Variants in LHX5 observed in about 807,000 individuals in gnomAD.
LHX5 encodes LIM/homeobox protein Lhx5.
LHX5 carries 5 observed loss-of-function variants against 30.6 expected under a neutral mutation model. The observed-to-expected ratio is 0.16, with a 90% CI of 0.09 to 0.34. The LOEUF (loss-of-function observed/expected upper bound fraction) is 0.34, where lower values mean the gene tolerates loss of function less well. LHX5 is among the 10% of genes least tolerant of loss of function. The probability of loss-of-function intolerance (pLI) is 1.00; values close to 1 mark genes in which losing one functional copy is unlikely to be tolerated. For synonymous variants in LHX5, 266 were observed against 252.6 expected (o/e 1.05, Z -0.50); for missense variants, 458 against 570.6 (o/e 0.80, Z 2.01).
Position 113,465,541 on chromosome 12 carries a change from G to C in LHX5, c.841+1715C>G, listed in dbSNP as rs889302724. 9.2e-5 allele frequency among the ~76,000 whole-genome samples: 14 copies of C among 152,248 alleles called. No homozygotes were observed. The highest frequency in any genetic ancestry group is 3.4e-4 in the African/African-American group (14 of 41,470). ...GGATCTCCCAGCGCGGATTAGGCGG[G>C]GCTGCCTCGCTGGGGGCTGGGGAGT... On this transcript the variant is annotated intron_variant, in intron 4 of 4. Transcript: ENST00000261731. The surrounding 1 kb of genome is among the most constrained non-coding windows in gnomAD (Gnocchi z 6.7).
Position 113,463,030 on chromosome 12 carries a change from G to A in LHX5, c.*160C>T, listed in dbSNP as rs1270346155. On this transcript the variant is annotated 3_prime_UTR_variant, in exon 5 of 5. Coordinates refer to ENST00000261731, the MANE Select transcript of LHX5 (RefSeq NM_022363.3). This position sits in a 1 kb window ranked among gnomAD's most constrained non-coding sequence, Gnocchi z 6.7. The stretch of plus-strand genomic sequence containing the variant: ...AGATGGGGGTCGGCCCCCCCTCGGC[G>A]CCCAGCCGAGGAGCAGCTGCCAGTT... The A allele has an allele frequency of 3.1e-6, 2 of 643,252 alleles. No homozygotes were observed. The highest frequency in any genetic ancestry group is 2.2e-5 in the South Asian group (1 of 44,802). 39.8% of individuals were successfully genotyped at this position (643,252 alleles called of 1,614,324 possible). A position where few individuals can be genotyped will look rare whatever the true frequency, so the allele number is the denominator to read the frequency against.
Position 113,471,407 on chromosome 12 carries a change from T to C in LHX5, c.92A>G (p.Gln31Arg). ...LDRAWHIKCV[Q>R]CCECKTNLSE... is the part of the protein sequence containing the mutation. The stretch of plus-strand genomic sequence containing the variant: ...GAGGTTGGTTTTGCACTCGCAGCAC[T>C]GAACACATTTGATGTGCCACGCGCG... Residue 31 changes from glutamine to arginine, a missense_variant, in exon 1 of 5, where the codon CAG (glutamine) becomes CGG (arginine). Physicochemically the swap from Gln to Arg is conservative, Grantham distance 43. Coordinates refer to ENST00000261731, the MANE Select transcript of LHX5 (RefSeq NM_022363.3). 1.9e-6 allele frequency: 3 copies of C among 1,613,834 alleles called. No individual in the cohort carries two copies. Among genetic ancestry groups the C allele is most frequent in the Non-Finnish European group, 2.5e-6 (3 of 1,179,848 alleles).
chr12:113,465,303 G>T lies in LHX5; in HGVS notation c.842-1746C>A, dbSNP rs1958205750. 6.6e-6 allele frequency among the ~76,000 whole-genome samples: 1 copy of T among 152,234 alleles called. No homozygotes were observed. The highest frequency in any genetic ancestry group is 2.4e-5 in the African/African-American group (1 of 41,474). On this transcript the variant is annotated intron_variant, in intron 4 of 4. Coordinates refer to ENST00000261731, the MANE Select transcript of LHX5 (RefSeq NM_022363.3). This position sits in a 1 kb window ranked among gnomAD's most constrained non-coding sequence, Gnocchi z 6.7. ...GGGACAGGGATGGGAGACGGCCGCG[G>T]CCCGCGGCGAGCCGGAAAACCAGCG... is the stretch of plus-strand genomic sequence containing the variant.
intron 1 of LHX5, 57 bp from the exon 2 acceptor site, chr12:113,469,402 C>G: frequency 1.3e-6 from 2 of 1,510,118 alleles, no homozygotes; most frequent in Non-Finnish European, 1.8e-6. Context: ...CCCTCCCCAG[C>G]CCCTGACCTC....
At position 113,463,399 on chromosome 12, in the gene LHX5, G is replaced by T; in HGVS notation, c.1000C>A (p.His334Asn). The T allele has an allele frequency of 6.4e-7, 1 of 1,555,366 alleles. No homozygotes were observed. The change falls in exon 5 of 5, where the codon CAC becomes AAC. Residue 334 changes from histidine to asparagine, a missense_variant. Transcript: ENST00000261731. The surrounding 1 kb of genome is among the most constrained non-coding windows in gnomAD (Gnocchi z 6.7). Reference protein sequence around the residue: ...GALEPPLAGPHAADNPRFTDM... With the variant: ...GALEPPLAGPNAADNPRFTDM... ...GTGAACCTGGGGTTGTCCGCGGCGT[G>T]CGGGCCGGCGAGCGGCGGTTCCAGC...
At chr12:113,468,498 G>A in intron 2 of LHX5, 94 bp from the exon 3 acceptor site, 2 of 1,410,020 alleles carry the variant, frequency 1.4e-6, no homozygotes, top group Non-Finnish European at 1.9e-6. Flanking sequence ...CCCAAGCTAC[G>A]GCCTGCCCAG....
rs1191191481 is a variant in LHX5 at position 113,464,260 on chromosome 12, G to A, written c.842-703C>T. ...GACGGTGGATCAGAGATGAGTCCCA[G>A]GAACCTCCAGAGAAGCGGAGGCTGA... On this transcript the variant is annotated intron_variant, in intron 4 of 4. Transcript: ENST00000261731. This position sits in a 1 kb window ranked among gnomAD's most constrained non-coding sequence, Gnocchi z 6.2. Among the ~76,000 whole-genome samples, 1 of 152,230 alleles carries A rather than the reference G, an allele frequency of 6.6e-6. No homozygotes were observed. Among genetic ancestry groups the A allele is most frequent in the Non-Finnish European group, 1.5e-5 (1 of 68,042 alleles).
At position 113,463,400 on chromosome 12, in the gene LHX5, C is replaced by T. The variant is rs755471088; in HGVS notation, c.999G>A (p.Pro333=). Residue 333 remains proline, a synonymous_variant, in exon 5 of 5, where the codon CCG becomes CCA. Transcript: ENST00000261731. This position sits in a 1 kb window ranked among gnomAD's most constrained non-coding sequence, Gnocchi z 6.7. ...LGALEPPLAG[P]HAADNPRFTD... Reference sequence around the variant, plus strand: ...TGAACCTGGGGTTGTCCGCGGCGTGCGGGCCGGCGAGCGGCGGTTCCAGCG... The same window carrying T: ...TGAACCTGGGGTTGTCCGCGGCGTGTGGGCCGGCGAGCGGCGGTTCCAGCG... The T allele has an allele frequency of 1.2e-5, 19 of 1,554,926 alleles. No homozygotes were observed. The highest frequency in any genetic ancestry group is 1.6e-5 in the Non-Finnish European group (18 of 1,152,242).
intron 2 of LHX5, 81 bp from the exon 3 acceptor site, chr12:113,468,485 CG>C (rs1220678680): frequency 1.4e-6 from 2 of 1,470,608 alleles, no homozygotes; most frequent in African/African-American, 2.8e-5. Context: ...GGGTTCCCGC[CG>C]GCCCAAGCTA....
Position 113,466,541 on chromosome 12 carries a change from G to GC in LHX5, c.841+714dup, listed in dbSNP as rs975849912. The stretch of plus-strand genomic sequence containing the variant: ...AATCTGGGGTTGGCCCAACACTTGT[G>GC]CCCCCAGTCTGTAGGAACCCCAGGG... On this transcript the variant is annotated intron_variant, in intron 4 of 4. Transcript: ENST00000261731. This position sits in a 1 kb window ranked among gnomAD's most constrained non-coding sequence, Gnocchi z 6.5. Among the ~76,000 whole-genome samples, 6 of 152,196 alleles carry GC rather than the reference G, an allele frequency of 3.9e-5. No individual in the cohort carries two copies. The highest frequency in any genetic ancestry group is 1.4e-4 in the African/African-American group (6 of 41,446).
rs1256087723 is a variant in LHX5 at position 113,467,674 on chromosome 12, C to T, written c.676-253G>A. Among the ~76,000 whole-genome samples the T allele has an allele frequency of 6.6e-6, 1 of 152,222 alleles. No homozygotes were observed. Among genetic ancestry groups the T allele is most frequent in the African/African-American group, 2.4e-5 (1 of 41,476 alleles). On this transcript the variant is annotated intron_variant, in intron 3 of 4. Coordinates refer to ENST00000261731, the MANE Select transcript of LHX5 (RefSeq NM_022363.3). This position sits in a 1 kb window ranked among gnomAD's most constrained non-coding sequence, Gnocchi z 6.3. ...TGGGCTTCCTGGTCCCCGGCTCGCC[C>T]GCGGCCTGACGGCTCTATAAAGGCC...
rs760286735 is a variant in LHX5, at chr12:113,471,514, C to T, written c.-16G>A. 6 of 1,568,684 alleles carry T rather than the reference C, an allele frequency of 3.8e-6. No homozygotes were observed. In the African/African-American group the frequency reaches 6.8e-5, roughly 18 times the overall value. On this transcript the variant is annotated 5_prime_UTR_variant, in exon 1 of 5. Transcript: ENST00000261731. ...GCACCATCATAGCCCCGCGCCCCGGCGGCTTCGGCCGCCTTGCCCTCCCTT... is the reference window on the plus strand; with the variant it reads ...GCACCATCATAGCCCCGCGCCCCGGTGGCTTCGGCCGCCTTGCCCTCCCTT...
chr12:113,468,317 G>A lies in LHX5; in HGVS notation c.485C>T (p.Ser162Leu). 1.2e-6 allele frequency: 2 copies of A among 1,614,170 alleles called. No individual in the cohort carries two copies. The highest frequency in any genetic ancestry group is 2.2e-5 in the East Asian group (1 of 44,874). ...DPKETDNSTS[S>L]DKETANNENE... is the part of the protein sequence containing the mutation. ...CTCGTTGTTGGCCGTCTCCTTGTCC[G>A]ACGAGGTCGAGTTGTCCGTCTCTTT... The change falls in exon 3 of 5, where the codon TCG (serine) becomes TTG (leucine). Residue 162 changes from serine (S) to leucine (L), a missense_variant. Around this residue, in one of 3 missense-constraint regions of LHX5, gnomAD observed 178 missense variants for 238.5 expected, o/e 0.75. Coordinates refer to ENST00000261731, the MANE Select transcript of LHX5 (RefSeq NM_022363.3).
At position 113,465,235 on chromosome 12, in the gene LHX5, A is replaced by C. The variant is rs1014599209; in HGVS notation, c.842-1678T>G. 8.5e-5 allele frequency among the ~76,000 whole-genome samples: 13 copies of C among 152,188 alleles called. No individual in the cohort carries two copies. The highest frequency in any genetic ancestry group is 3.1e-4 in the African/African-American group (13 of 41,450). On this transcript the variant is annotated intron_variant, in intron 4 of 4. Coordinates refer to ENST00000261731, the MANE Select transcript of LHX5 (RefSeq NM_022363.3). This position sits in a 1 kb window ranked among gnomAD's most constrained non-coding sequence, Gnocchi z 6.7. ...AAACCATTAATTTAATTCTCCCCGA[A>C]AGTGAAGGGGAAGATGGGGAGCGGC...
In LHX5 at chr12:113,467,781, GGGAGGGAGGGGGCATC is replaced by G. The variant is rs1378261166; in HGVS notation, c.675+330_675+345del. On this transcript the variant is annotated intron_variant, in intron 3 of 4. Transcript: ENST00000261731. This position sits in a 1 kb window ranked among gnomAD's most constrained non-coding sequence, Gnocchi z 6.3. ...GTTTGTCTGCCCGCGCTTCGGCGCA[GGGAGGGAGGGGGCATC>G]GCCTGTTTCTCTGCTCGAAAGGTGG... is the stretch of plus-strand genomic sequence containing the variant. Among the ~76,000 whole-genome samples the G allele has an allele frequency of 2.0e-5, 3 of 152,242 alleles. No individual in the cohort carries two copies. The highest frequency in any genetic ancestry group is 2.0e-4 in the Admixed American group (3 of 15,292).
Position 113,467,259 on chromosome 12 carries a change from C to T in LHX5, c.838G>A (p.Gly280Arg), listed in dbSNP as rs1293626687. ...MLGSTPYTYYGDYQGDYYAPG... is the reference protein window; with the variant it reads ...MLGSTPYTYYRDYQGDYYAPG... ...CGAATCCCGGGGCGCCCCTTACCTC[C>T]GTAGTAGGTGTACGGGGTGGACCCC... The change falls in exon 4 of 5, where the codon GGA (glycine) becomes AGA (arginine). Residue 280 changes from glycine to arginine, a missense_variant. Transcript: ENST00000261731. This position sits in a 1 kb window ranked among gnomAD's most constrained non-coding sequence, Gnocchi z 6.3. 6.8e-7 allele frequency: 1 copy of T among 1,469,056 alleles called. No individual in the cohort carries two copies. The highest frequency in any genetic ancestry group is 2.4e-5 in the Admixed American group (1 of 41,190). The allele number at this position is 1,469,056 out of a possible 1,614,324, so 91.0% of individuals were successfully genotyped here.
rs1490482229 is a variant in LHX5, at chr12:113,462,572, T to C, written c.*618A>G. 4 of 151,830 alleles carry C rather than the reference T, an allele frequency of 2.6e-5. No homozygotes were observed. In the East Asian group the frequency reaches 7.8e-4, roughly 30 times the overall value. The allele number at this position is 151,830 out of a possible 1,614,324, so 9.4% of individuals were successfully genotyped here. A position where few individuals can be genotyped will look rare whatever the true frequency, so the allele number is the denominator to read the frequency against. On this transcript the variant is annotated 3_prime_UTR_variant, in exon 5 of 5. Transcript: ENST00000261731. The stretch of plus-strand genomic sequence containing the variant: ...CAGGGAGCGCCAGCGTGCAGGTGGC[T>C]CGGTCTCCCTCTCGGTGGCTCCCGG...
Position 113,468,349 on chromosome 12 carries a change from G to T in LHX5, c.453C>A (p.Asp151Glu), listed in dbSNP as rs1458462116. 6.2e-6 allele frequency: 10 copies of T among 1,614,112 alleles called. No individual in the cohort carries two copies. Among genetic ancestry groups the T allele is most frequent in the Non-Finnish European group, 8.5e-6 (10 of 1,179,956 alleles). Reference sequence around the variant, plus strand: ...TCGAGTTGTCCGTCTCTTTGGGGTCGTCCTGCAGTGCGTCCTGGAGGTCCG... The same window carrying T: ...TCGAGTTGTCCGTCTCTTTGGGGTCTTCCTGCAGTGCGTCCTGGAGGTCCG... ...LSPDLQDALQ[D>E]DPKETDNSTS... Residue 151 changes from aspartate (D) to glutamate (E), a missense_variant, in exon 3 of 5, where the codon GAC becomes GAA. Asp to Glu is a conservative substitution (Grantham distance 45). Coordinates refer to ENST00000261731, the MANE Select transcript of LHX5 (RefSeq NM_022363.3).
rs550065518 is a variant in LHX5 at position 113,467,677 on chromosome 12, G to T, written c.676-256C>A. On this transcript the variant is annotated intron_variant, in intron 3 of 4. Transcript: ENST00000261731. This position sits in a 1 kb window ranked among gnomAD's most constrained non-coding sequence, Gnocchi z 6.3. ...GCTTCCTGGTCCCCGGCTCGCCCGC[G>T]GCCTGACGGCTCTATAAAGGCCTCC... Among the ~76,000 whole-genome samples, 11 of 152,324 alleles carry T rather than the reference G, an allele frequency of 7.2e-5. No homozygotes were observed. The highest frequency in any genetic ancestry group is 1.3e-4 in the Non-Finnish European group (9 of 68,024).
Sources: gnomAD v4.1 joint callset for allele counts (sites outside exome capture counted in the v4.1 genomes callset) on GRCh38, gnomAD v4.1.1 for gene constraint, gnomAD v4.1.1 regional missense constraint, Gnocchi (gnomAD v3.1) non-coding constraint, MANE v1.5 for transcripts, NCBI Gene and HGNC (gene_info 2026-07-23, HGNC 2026-07-21) for gene names.